The following TENM3 variants were observed in gnomAD, a reference collection of about 807,000 sequenced individuals.
TENM3 encodes teneurin-3.
TENM3 carries 63 observed loss-of-function variants against 255.1 expected under a neutral mutation model. The observed-to-expected ratio is 0.25, with a 90% CI of 0.20 to 0.30. TENM3 has a LOEUF of 0.30. TENM3 is among the 10% of genes least tolerant of loss of function. The pLI is 1.00. For missense variants in TENM3, 2,929 were observed against 3,461.1 expected (o/e 0.85, Z 3.86); for synonymous variants, 1,306 against 1,322.3 (o/e 0.99, Z 0.27).
At chr4:181,760,971 C>CAG in the TENM3 span, among the ~76,000 whole-genome samples, 1 of 42,568 alleles carries the variant, frequency 2.3e-5, no homozygotes, top group Non-Finnish European at 6.2e-5. Flanking sequence ...CACACACATA[C>CAG]ACACACACAC....
chr4:182,760,332 C>T (rs377130805), intron 22 of TENM3, among the ~76,000 whole-genome samples: 9 of 152,256 alleles, frequency 5.9e-5, no homozygotes, highest in African/African-American at 1.4e-4. Flanking sequence ...TTCTTACACT[C>T]GAATGCACAA....
At chr4:182,644,657 C>T (rs907946141) in intron 5 of TENM3, among the ~76,000 whole-genome samples, 5 of 152,084 alleles carry the variant, frequency 3.3e-5, no homozygotes, top group Non-Finnish European at 5.9e-5. Flanking sequence ...TCTTTATTAA[C>T]ATATTGTCTC....
At position 182,799,306 on chromosome 4, in the gene TENM3, T is replaced by C. The variant is rs1166313120; in HGVS notation, c.7345-290T>C. On this transcript the variant is annotated intron_variant, in intron 27 of 27. Transcript: ENST00000511685. The surrounding 1 kb of genome is among the most constrained non-coding windows in gnomAD (Gnocchi z 4.2). The stretch of plus-strand genomic sequence containing the variant: ...GAGTGGGAAAAGAGCATCTAGAAAC[T>C]GTAAGAGAAAAGCAAGAAACAGGAC... 6.6e-6 allele frequency among the ~76,000 whole-genome samples: 1 copy of C among 152,114 alleles called. No individual in the cohort carries two copies. Among genetic ancestry groups the C allele is most frequent in the East Asian group, 1.9e-4 (1 of 5,188 alleles).
intron 5 of TENM3, among the ~76,000 whole-genome samples, chr4:182,638,170 CTCTT>C (rs1239330633): frequency 1.3e-5 from 2 of 151,980 alleles, no homozygotes; most frequent in Non-Finnish European, 2.9e-5. Flanking sequence ...ATCCCATAGT[CTCTT>C]TCTGTTTGTT....
At chr4:181,448,396 C>A in the TENM3 span, among the ~76,000 whole-genome samples, 3 of 151,346 alleles carry the variant, frequency 2.0e-5, no homozygotes, top group South Asian at 2.1e-4. Context: ...TGGTCTCGAT[C>A]TCCTGACCTC....
chr4:181,697,714 G>A, the TENM3 span, among the ~76,000 whole-genome samples: 3 of 152,068 alleles, frequency 2.0e-5, no homozygotes, highest in South Asian at 4.2e-4. Flanking sequence ...TTATAATGTT[G>A]TATTACAGTA....
At chr4:181,998,608 A>G in the TENM3 span, among the ~76,000 whole-genome samples, 1 of 152,082 alleles carries the variant, frequency 6.6e-6, no homozygotes, top group African/African-American at 2.4e-5. Context: ...CTAGGGGACT[A>G]CTTAATTCAG....
At chr4:181,529,246 A>G in the TENM3 span, among the ~76,000 whole-genome samples, 4 of 152,210 alleles carry the variant, frequency 2.6e-5, no homozygotes, top group Admixed American at 2.6e-4. Context: ...GTCCAAAGGC[A>G]TGAGCAAAAA....
At chr4:182,394,360 C>T (rs1768651152) in intron 3 of TENM3, among the ~76,000 whole-genome samples, 2 of 152,136 alleles carry the variant, frequency 1.3e-5, no homozygotes, top group South Asian at 4.1e-4. Flanking sequence ...AATTGAAATA[C>T]ATGCGCATAC....
At chr4:182,224,885 C>T (rs972023705) in intron 1 of TENM3, among the ~76,000 whole-genome samples, 4 of 151,932 alleles carry the variant, frequency 2.6e-5, no homozygotes, top group Admixed American at 6.6e-5. Context: ...TACAGTCACG[C>T]GCCGCCACAC....
At chr4:182,261,907 C>T (rs566165952) in intron 1 of TENM3, among the ~76,000 whole-genome samples, 1 of 152,264 alleles carries the variant, frequency 6.6e-6, no homozygotes, top group East Asian at 1.9e-4. Flanking sequence ...CCAACAAGAC[C>T]AGAGTAAAGG....
At chr4:182,431,152 AG>A (rs1373798583) in intron 3 of TENM3, among the ~76,000 whole-genome samples, 2 of 152,024 alleles carry the variant, frequency 1.3e-5, no homozygotes, top group African/African-American at 4.8e-5. Context: ...ACAAAGAACC[AG>A]GTATAAGGTG....
At chr4:182,790,137 G>A (rs1325824522) in intron 25 of TENM3, among the ~76,000 whole-genome samples, 1 of 152,130 alleles carries the variant, frequency 6.6e-6, no homozygotes, top group African/African-American at 2.4e-5. Flanking sequence ...AATATCCACC[G>A]AAAAGCATAT....
chr4:182,492,353 G>A (rs1735380780), intron 3 of TENM3, among the ~76,000 whole-genome samples: 2 of 152,108 alleles, frequency 1.3e-5, no homozygotes. Flanking sequence ...ATACGGGATG[G>A]TGTCAGAAAC....
chr4:182,332,300 A>G (rs185046303), intron 2 of TENM3, among the ~76,000 whole-genome samples: 13 of 152,348 alleles, frequency 8.5e-5, no homozygotes, highest in Admixed American at 4.6e-4. Context: ...TTCTACTTCC[A>G]AAATGTATGG....
chr4:182,086,620 T>C, the TENM3 span, among the ~76,000 whole-genome samples: 5 of 152,222 alleles, frequency 3.3e-5, no homozygotes, highest in Non-Finnish European at 5.9e-5. Context: ...TTTGCTTTAT[T>C]TCTGGCATCA....
chr4:182,161,841 A>G (rs866200629), intron 1 of TENM3, among the ~76,000 whole-genome samples: 2 of 73,058 alleles, frequency 2.7e-5, no homozygotes, highest in Non-Finnish European at 2.8e-5. Flanking sequence ...ATATATGTGT[A>G]TATATACACA....
intron 3 of TENM3, among the ~76,000 whole-genome samples, chr4:182,487,113 G>C (rs563472761): frequency 6.6e-6 from 1 of 152,124 alleles, no homozygotes; most frequent in Admixed American, 6.5e-5. Context: ...ATTCTTGCAC[G>C]TGGTTTCTAG....
intron 3 of TENM3, among the ~76,000 whole-genome samples, chr4:182,458,623 A>G (rs183306714): frequency 1.7e-4 from 26 of 152,356 alleles, no homozygotes; most frequent in African/African-American, 6.3e-4. Context: ...TTCTTAAAAA[A>G]AAATCAAACT....
Sources: allele counts gnomAD v4.1 joint callset (sites outside exome capture counted in the v4.1 genomes callset), GRCh38; gene constraint gnomAD v4.1.1; non-coding constraint Gnocchi (gnomAD v3.1); transcripts MANE v1.5; gene names NCBI Gene and HGNC (gene_info 2026-07-23, HGNC 2026-07-21).